TRPS1: variants seen among roughly 807,000 people sequenced by gnomAD.
The protein encoded by TRPS1 is zinc finger transcription factor Trps1.
Under a neutral mutation model 101.2 loss-of-function variants are expected in TRPS1, and 6 were observed. The ratio of observed to expected loss-of-function variants is 0.06; its 90% confidence interval spans 0.03 to 0.12. The LOEUF (loss-of-function observed/expected upper bound fraction) is 0.12. TRPS1 is among the 10% of genes least tolerant of loss of function. The pLI, the probability that TRPS1 is intolerant of heterozygous loss-of-function variation, is 1.00. For missense variants in TRPS1, 1,363 were observed against 1,567.0 expected, an observed-to-expected ratio of 0.87 and a Z score of 2.20; for synonymous variants, 578 against 589.8, an observed-to-expected ratio of 0.98 and a Z score of 0.29.
chr8:115,536,691 C>G (rs1421238047), intron 5 of TRPS1, among the ~76,000 whole-genome samples: 1 of 151,844 alleles, frequency 6.6e-6, no homozygotes, highest in African/African-American at 2.4e-5. Flanking sequence ...CCAACCTGTT[C>G]ACTATCATCA....
intron 1 of TRPS1, among the ~76,000 whole-genome samples, chr8:115,642,145 T>C (rs889664383): frequency 6.6e-6 from 1 of 151,168 alleles, no homozygotes; most frequent in South Asian, 2.1e-4. Context: ...GCCCAAGAGT[T>C]CAAGGCTACA....
chr8:115,581,037 G>C (rs1020426062), intron 5 of TRPS1, among the ~76,000 whole-genome samples: 1 of 151,914 alleles, frequency 6.6e-6, no homozygotes, highest in Admixed American at 6.6e-5. Context: ...ACAAAATGAG[G>C]TAAATACACA....
chr8:115,608,453 T>C (rs1221743508), intron 3 of TRPS1, among the ~76,000 whole-genome samples: 5 of 152,216 alleles, frequency 3.3e-5, no homozygotes, highest in Admixed American at 3.3e-4. Context: ...CATTGTAAGA[T>C]TTAAAAATTG....
chr8:115,612,535 G>T (rs1251941027), intron 3 of TRPS1, among the ~76,000 whole-genome samples: 1 of 152,132 alleles, frequency 6.6e-6, no homozygotes, highest in African/African-American at 2.4e-5. Flanking sequence ...AGTTGTTGTG[G>T]GGAACTTCAC....
intron 5 of TRPS1, among the ~76,000 whole-genome samples, chr8:115,491,888 CA>C (rs1417329133): frequency 6.6e-6 from 1 of 152,046 alleles, no homozygotes; most frequent in Non-Finnish European, 1.5e-5. Context: ...AATCCAAATA[CA>C]AACGAGTTAA....
chr8:115,594,699 AAT>A (rs777751856), intron 4 of TRPS1, among the ~76,000 whole-genome samples: 11 of 151,990 alleles, frequency 7.2e-5, no homozygotes, highest in Non-Finnish European at 1.0e-4. Context: ...TTCAATGCAC[AAT>A]AGTCTTTATT....
At chr8:115,520,282 C>A (rs1586358594) in intron 5 of TRPS1, among the ~76,000 whole-genome samples, 1 of 151,788 alleles carries the variant, frequency 6.6e-6, no homozygotes, top group Non-Finnish European at 1.5e-5. Flanking sequence ...CCTAGGAGAT[C>A]AGGAGAAACA....
At chr8:115,481,192 T>G (rs1814742742) in intron 5 of TRPS1, among the ~76,000 whole-genome samples, 1 of 152,056 alleles carries the variant, frequency 6.6e-6, no homozygotes, top group African/African-American at 2.4e-5. Flanking sequence ...CGTTTACAGA[T>G]CAGATATTTC....
chr8:115,523,656 T>C (rs1008914014), intron 5 of TRPS1, among the ~76,000 whole-genome samples: 3 of 152,204 alleles, frequency 2.0e-5, no homozygotes, highest in Admixed American at 2.0e-4. Context: ...GGTTTCTCTG[T>C]AGTCCGAGGC....
intron 4 of TRPS1, among the ~76,000 whole-genome samples, chr8:115,596,372 A>G (rs1461764276): frequency 1.3e-5 from 2 of 151,918 alleles, no homozygotes; most frequent in African/African-American, 2.4e-5. Flanking sequence ...ATGGGCAATG[A>G]TGAGAATTGA....
intron 5 of TRPS1, among the ~76,000 whole-genome samples, chr8:115,446,919 AT>A (rs1813751636): frequency 6.6e-6 from 1 of 152,116 alleles, no homozygotes; most frequent in South Asian, 2.1e-4. Context: ...GGGATGACAC[AT>A]TTCCTGGTCT....
intron 5 of TRPS1, among the ~76,000 whole-genome samples, chr8:115,553,587 A>C (rs1477082518): frequency 6.6e-6 from 1 of 152,112 alleles, no homozygotes; most frequent in Non-Finnish European, 1.5e-5. Context: ...CTTTGATATG[A>C]AGGTAGCTTT....
intron 5 of TRPS1, among the ~76,000 whole-genome samples, chr8:115,575,033 G>C (rs1586418904): frequency 6.6e-6 from 1 of 152,074 alleles, no homozygotes; most frequent in South Asian, 2.1e-4. Flanking sequence ...TACATGATCT[G>C]GTAAAGTGAC....
At chr8:115,567,912 ATCT>A (rs1360684944) in intron 5 of TRPS1, among the ~76,000 whole-genome samples, 1 of 152,120 alleles carries the variant, frequency 6.6e-6, no homozygotes, top group African/African-American at 2.4e-5. Flanking sequence ...GAATACAGTG[ATCT>A]TCTAGTTGTA....
intron 1 of TRPS1, among the ~76,000 whole-genome samples, chr8:115,649,403 T>G (rs1473477902): frequency 6.6e-6 from 1 of 152,326 alleles, no homozygotes; most frequent in African/African-American, 2.4e-5. Context: ...ACTGAAATCC[T>G]GACTCTGCTA....
In TRPS1 at chr8:115,604,264, T is replaced by C; in HGVS notation, c.1705A>G (p.Ile569Val). ...LLRHYQQLHNIHKCTIKHCPF... is the reference protein window; with the variant it reads ...LLRHYQQLHNVHKCTIKHCPF... ...CAGTGTTTAATGGTACACTTGTGAA[T>C]GTTATGGAGCTGTTGATAATGACGG... The change falls in exon 4 of 7, where the codon ATT (isoleucine) becomes GTT (valine). Residue 569 changes from isoleucine to valine, a missense_variant. Ile to Val is a conservative substitution (Grantham distance 29). Transcript: ENST00000395715. This position sits in a 1 kb window ranked among gnomAD's most constrained non-coding sequence, Gnocchi z 4.1. The C allele has an allele frequency of 1.9e-6, 3 of 1,614,090 alleles. No homozygotes were observed. The highest frequency in any genetic ancestry group is 1.3e-5 in the African/African-American group (1 of 75,046).
chr8:115,535,819 C>G (rs1358292160), intron 5 of TRPS1, among the ~76,000 whole-genome samples: 3 of 151,320 alleles, frequency 2.0e-5, no homozygotes, highest in Non-Finnish European at 4.4e-5. Context: ...TTTGATTCAC[C>G]TACTTTGGAT....
At chr8:115,493,689 TATC>T (rs1295441710) in intron 5 of TRPS1, among the ~76,000 whole-genome samples, 2 of 152,182 alleles carry the variant, frequency 1.3e-5, no homozygotes, top group Non-Finnish European at 2.9e-5. Flanking sequence ...CATGCATTAC[TATC>T]ATCAATTTAT....
intron 5 of TRPS1, among the ~76,000 whole-genome samples, chr8:115,577,913 G>A (rs538203982): frequency 4.6e-5 from 7 of 152,232 alleles, no homozygotes; most frequent in South Asian, 2.1e-4. Flanking sequence ...TTGACAAAGC[G>A]TGAAGGGTAG....
Sources: allele counts gnomAD v4.1 joint callset (sites outside exome capture counted in the v4.1 genomes callset), GRCh38; gene constraint gnomAD v4.1.1; non-coding constraint Gnocchi (gnomAD v3.1); transcripts MANE v1.5; gene names NCBI Gene and HGNC (gene_info 2026-07-23, HGNC 2026-07-21).